Variants in KCNK2 observed in about 807,000 individuals in gnomAD.
KCNK2 encodes the protein potassium channel subfamily K member 2.
KCNK2 carries 21 observed loss-of-function variants against 40.5 expected under a neutral mutation model. The ratio of observed to expected loss-of-function variants is 0.52; its 90% CI spans 0.37 to 0.75. The LOEUF is 0.75. Ranked by LOEUF, KCNK2 falls within the 30% of genes least tolerant of loss-of-function variation. The pLI is 0.00. For synonymous variants in KCNK2, 191 were observed against 202.2 expected (o/e 0.94, Z 0.47); for missense variants, 399 against 531.6 (o/e 0.75, Z 2.45).
upstream of KCNK2, among the ~76,000 whole-genome samples, chr1:215,080,669 A>G (rs1659120170): frequency 6.6e-6 from 1 of 152,208 alleles, no homozygotes; most frequent in Non-Finnish European, 1.5e-5. Context: ...AGTTTAAAGA[A>G]GCAAAACATC....
chr1:215,049,803 A>C (rs755820267), intron 1 of KCNK2, among the ~76,000 whole-genome samples: 1 of 152,242 alleles, frequency 6.6e-6, no homozygotes, highest in South Asian at 2.1e-4. Context: ...GTGAAAAATT[A>C]GTTGGGGCTA....
intron 1 of KCNK2, among the ~76,000 whole-genome samples, chr1:215,044,545 A>T (rs1657676139): frequency 6.6e-6 from 1 of 152,162 alleles, no homozygotes; most frequent in African/African-American, 2.4e-5. Flanking sequence ...CCTATATTAT[A>T]GGTAGATATT....
intron 3 of KCNK2, among the ~76,000 whole-genome samples, chr1:215,148,105 G>C (rs1438182988): frequency 1.0e-5 from 1 of 99,098 alleles, no homozygotes; most frequent in African/African-American, 4.7e-5. Context: ...TTTTGGCAGG[G>C]TCTTGCTCTG....
At chr1:215,022,925 A>G (rs2601622) in intron 1 of KCNK2, among the ~76,000 whole-genome samples, 66,831 of 152,108 alleles carry the variant, frequency 0.44, 16,384 homozygotes, top group Non-Finnish European at 0.55. Flanking sequence ...CCCAGAGGCC[A>G]TGAATCTAAA....
upstream of KCNK2, among the ~76,000 whole-genome samples, chr1:215,081,294 C>T (rs1659147126): frequency 6.6e-6 from 1 of 151,826 alleles, no homozygotes; most frequent in Non-Finnish European, 1.5e-5. Context: ...AAGGTAACTG[C>T]CCAGGAAGAC....
intron 1 of KCNK2, among the ~76,000 whole-genome samples, chr1:215,073,130 A>G (rs1244705549): frequency 6.6e-6 from 1 of 152,134 alleles, no homozygotes; most frequent in Non-Finnish European, 1.5e-5. Flanking sequence ...CGCTGCGTCT[A>G]CAAGCCAAGG....
chr1:215,102,518 T>C (rs1331628117), intron 2 of KCNK2, among the ~76,000 whole-genome samples: 3 of 152,026 alleles, frequency 2.0e-5, no homozygotes, highest in Non-Finnish European at 4.4e-5. Context: ...CTAATGTTAA[T>C]CTGTTATTGA....
chr1:215,128,445 G>A (rs930084987), intron 3 of KCNK2, among the ~76,000 whole-genome samples: 2 of 152,204 alleles, frequency 1.3e-5, no homozygotes, highest in African/African-American at 2.4e-5. Context: ...AAGTAAGGAC[G>A]TAGTCCCTGC....
intron 6 of KCNK2, among the ~76,000 whole-genome samples, chr1:215,226,806 G>A (rs1209371813): frequency 1.3e-5 from 2 of 152,182 alleles, no homozygotes; most frequent in African/African-American, 2.4e-5. Flanking sequence ...ATATACAATA[G>A]GCGTGATGTT....
At chr1:215,210,375 A>C (rs1201032316) in intron 6 of KCNK2, among the ~76,000 whole-genome samples, 2 of 151,894 alleles carry the variant, frequency 1.3e-5, no homozygotes, top group Non-Finnish European at 2.9e-5. Context: ...AGGGCAGGGT[A>C]AGAATTGCTT....
chr1:215,212,884 C>T (rs1484567486), intron 6 of KCNK2, among the ~76,000 whole-genome samples: 1 of 152,242 alleles, frequency 6.6e-6, no homozygotes, highest in Non-Finnish European at 1.5e-5. Context: ...CTACCTCTCT[C>T]TCCCTTTGAC....
At chr1:215,153,523 T>G (rs1662775767) in intron 3 of KCNK2, among the ~76,000 whole-genome samples, 1 of 152,026 alleles carries the variant, frequency 6.6e-6, no homozygotes, top group African/African-American at 2.4e-5. Flanking sequence ...TCATTAGGCC[T>G]TTGCATGCTG....
chr1:215,196,999 G>T (rs771956211), intron 6 of KCNK2, among the ~76,000 whole-genome samples: 7 of 152,054 alleles, frequency 4.6e-5, no homozygotes, highest in Non-Finnish European at 1.0e-4. Context: ...CAAATACACA[G>T]ATATAATATT....
At chr1:215,147,847 A>G (rs1037507157) in intron 3 of KCNK2, among the ~76,000 whole-genome samples, 4 of 151,858 alleles carry the variant, frequency 2.6e-5, no homozygotes, top group Non-Finnish European at 5.9e-5. Context: ...AAAACAAAAA[A>G]CAAACAAACA....
intron 6 of KCNK2, among the ~76,000 whole-genome samples, chr1:215,232,394 G>A (rs1666703121): frequency 6.6e-6 from 1 of 152,144 alleles, no homozygotes; most frequent in African/African-American, 2.4e-5. Flanking sequence ...CAATTGAGAT[G>A]GAAGAGGCAG....
Position 215,093,723 on chromosome 1 carries a change from AAT to A in KCNK2, c.357+7051_357+7052del, listed in dbSNP as rs1226513850. 1.0e-4 allele frequency among the ~76,000 whole-genome samples: 9 copies of A among 89,894 alleles called. No homozygotes were observed. In the East Asian group the frequency reaches 2.6e-3, roughly 26 times the overall value. The allele number at this position is 89,894 out of a possible 152,430, so 59.0% of individuals were successfully genotyped here. A position where few individuals can be genotyped will look rare whatever the true frequency, so the allele number is the denominator to read the frequency against. On this transcript the variant is annotated intron_variant, in intron 2 of 6. Transcript: ENST00000444842. ...TATATTATATTATATATTATATAAA[AAT>A]ATATAATATATAATATAAAAATATA...
intron 1 of KCNK2, among the ~76,000 whole-genome samples, chr1:215,052,925 C>T (rs749285874): frequency 1.1e-4 from 16 of 152,008 alleles, no homozygotes; most frequent in Non-Finnish European, 2.2e-4. Flanking sequence ...CCAGATTCCT[C>T]TTTTTTTCTT....
chr1:215,005,752 T>C (rs933234394), upstream of KCNK2: 7 of 599,370 alleles, frequency 1.2e-5, no homozygotes, highest in Non-Finnish European at 2.1e-5. Flanking sequence ...AGTGTTTTTG[T>C]ACAGGAAACT....
chr1:215,211,850 A>G (rs1665757411), intron 6 of KCNK2, among the ~76,000 whole-genome samples: 1 of 152,190 alleles, frequency 6.6e-6, no homozygotes, highest in African/African-American at 2.4e-5. Flanking sequence ...CTGTCAAACT[A>G]AAGATAAGAT....
Sources: allele counts gnomAD v4.1 joint callset (sites outside exome capture counted in the v4.1 genomes callset), GRCh38; gene constraint gnomAD v4.1.1; transcripts MANE v1.5; gene names NCBI Gene and HGNC (gene_info 2026-07-23, HGNC 2026-07-21).